The following SUPT20H variants were observed in gnomAD, a reference collection of about 807,000 sequenced individuals.
The protein encoded by SUPT20H is transcription factor SPT20 homolog.
SUPT20H carries 82 observed loss-of-function variants against 122.8 expected under a neutral mutation model. The observed-to-expected ratio is 0.67, with a 90% CI of 0.56 to 0.80. SUPT20H has a LOEUF of 0.80. Ranked by LOEUF, SUPT20H falls within the 30% of genes least tolerant of loss-of-function variation. The pLI is 0.00. For synonymous variants in SUPT20H, 291 were observed against 313.0 expected, an observed-to-expected ratio of 0.93 and a Z score of 0.74; for missense variants, 831 against 921.6, an observed-to-expected ratio of 0.90 and a Z score of 1.27.
intron 2 of SUPT20H, among the ~76,000 whole-genome samples, chr13:37,049,567 C>T (rs969109698): frequency 6.6e-6 from 1 of 152,078 alleles, no homozygotes; most frequent in Non-Finnish European, 1.5e-5. Context: ...TGGTGAAACC[C>T]TATCTCTACT....
In SUPT20H at chr13:37,014,027, A is replaced by T. The variant is rs146360259; in HGVS notation, c.1993-1730T>A. 1.3e-4 allele frequency: 20 copies of T among 152,252 alleles called. No homozygotes were observed. The East Asian group carries it at 3.7e-3, about 28-fold the overall frequency. The allele number at this position is 152,252 out of a possible 1,614,324, so 9.4% of individuals were successfully genotyped here. ...CCACAAATGGAATATTCAAACAAGG[A>T]GGAATAATGATTAAACAAACATCTT... On this transcript the variant is annotated intron_variant, in intron 23 of 25. Coordinates refer to ENST00000350612, the MANE Select transcript of SUPT20H (RefSeq NM_001014286.3).
chr13:37,032,556 G>A (rs2063556892), intron 10 of SUPT20H, among the ~76,000 whole-genome samples: 1 of 152,150 alleles, frequency 6.6e-6, no homozygotes, highest in South Asian at 2.1e-4. Context: ...ACCTCCTCAG[G>A]AACCAGTGCC....
At chr13:37,036,270 G>A (rs1413604370) in intron 9 of SUPT20H, among the ~76,000 whole-genome samples, 1 of 151,722 alleles carries the variant, frequency 6.6e-6, no homozygotes, top group African/African-American at 2.4e-5. Flanking sequence ...ATAGACTACA[G>A]TACAGTTGAC....
At chr13:37,011,477 C>T (rs1236260050) in intron 24 of SUPT20H, among the ~76,000 whole-genome samples, 1 of 152,028 alleles carries the variant, frequency 6.6e-6, no homozygotes, top group Non-Finnish European at 1.5e-5. Context: ...CATAGTAAGC[C>T]CACAGTGATA....
rs531315064 is a variant in SUPT20H, at chr13:37,022,325, T to C, written c.1592-245A>G. 45 of 1,328,782 alleles carry C rather than the reference T, an allele frequency of 3.4e-5. No homozygotes were observed. The highest frequency in any genetic ancestry group is 1.1e-4 in the East Asian group (4 of 35,672). The allele number at this position is 1,328,782 out of a possible 1,614,324, so 82.3% of individuals were successfully genotyped here. The stretch of plus-strand genomic sequence containing the variant: ...GCTTAGGAGTTCCAGATCCTGCTCA[T>C]TGAGAAAAATAAAAATTGCTAGTTT... On this transcript the variant is annotated intron_variant, in intron 19 of 25. Coordinates refer to ENST00000350612, the MANE Select transcript of SUPT20H (RefSeq NM_001014286.3). This position sits in a 1 kb window ranked among gnomAD's most constrained non-coding sequence, Gnocchi z 4.5.
chr13:37,055,405 G>T (rs549599977), intron 1 of SUPT20H, among the ~76,000 whole-genome samples: 226 of 152,240 alleles, frequency 1.5e-3, no homozygotes, highest in African/African-American at 5.1e-3. Flanking sequence ...CATGGTACTT[G>T]TACCAAAACA....
chr13:37,047,853 G>T (rs9576157), intron 4 of SUPT20H, 25 bp downstream of exon 4: 51 of 1,587,360 alleles, frequency 3.2e-5, no homozygotes, highest in Non-Finnish European at 4.2e-5. Flanking sequence ...ATGAATCTAA[G>T]ATGTTACCAA....
In SUPT20H at chr13:37,024,082, A is replaced by T; in HGVS notation, c.1544T>A (p.Val515Asp). The T allele has an allele frequency of 6.2e-7, 1 of 1,613,620 alleles. No homozygotes were observed. The change falls in exon 19 of 26, where the codon GTT becomes GAT. Residue 515 changes from valine to aspartate, a missense_variant. Transcript: ENST00000350612. ...PRKSSVDLNQ[V>D]SMLSPAALSP... ...TAGGGCAGCTGGAGAAAGCATGCTA[A>T]CTTGATTGAGATCCACAGATGATTT...
intron 20 of SUPT20H, 25 bp from the exon 21 acceptor site, chr13:37,021,627 T>G: frequency 6.3e-7 from 1 of 1,578,736 alleles, no homozygotes; most frequent in Non-Finnish European, 8.6e-7. Context: ...GACAAAGCAT[T>G]AAACTTCACT....
At chr13:37,048,749 A>G (rs1381633711) in intron 2 of SUPT20H, 150 bp from the exon 3 acceptor site, 2 of 561,666 alleles carry the variant, frequency 3.6e-6, no homozygotes, top group Non-Finnish European at 6.0e-6. Context: ...CAATATATAT[A>G]TAACAAAGAA....
intron 9 of SUPT20H, among the ~76,000 whole-genome samples, chr13:37,035,676 C>T (rs1160414220): frequency 6.6e-6 from 1 of 152,058 alleles, no homozygotes. Flanking sequence ...GGATTACAGG[C>T]AACTGCCACC....
chr13:37,047,761 C>A (rs2066779210), intron 4 of SUPT20H, 117 bp downstream of exon 4: 3 of 1,247,996 alleles, frequency 2.4e-6, no homozygotes, highest in Non-Finnish European at 3.2e-6. Context: ...TTAGAAATTC[C>A]TAATACATGC....
At chr13:37,056,517 A>C (rs977070499) in intron 1 of SUPT20H, among the ~76,000 whole-genome samples, 1 of 152,158 alleles carries the variant, frequency 6.6e-6, no homozygotes, top group Non-Finnish European at 1.5e-5. Flanking sequence ...TCGCAAGGAC[A>C]AAAAACCAAA....
chr13:37,031,443 G>C (rs2063308446), intron 12 of SUPT20H, 124 bp downstream of exon 12: 2 of 520,626 alleles, frequency 3.8e-6, no homozygotes, highest in Non-Finnish European at 3.3e-6. Context: ...AACTTGTTTA[G>C]AGTATGATCT....
chr13:37,041,452 G>A (rs2065451016), intron 7 of SUPT20H, among the ~76,000 whole-genome samples: 1 of 151,650 alleles, frequency 6.6e-6, no homozygotes, highest in African/African-American at 2.4e-5. Context: ...CAGGCGGTGG[G>A]GCTTGCAGTG....
rs1566089708 is a variant in SUPT20H, at chr13:37,010,536, G to A, written c.2202+16C>T. ...GTATCTTTAAAAATGTAATCAGAGT[G>A]AAGTTGCTGGATTACTTGTATCTGT... is the stretch of plus-strand genomic sequence containing the variant. On this transcript the variant is annotated intron_variant, in intron 25 of 25. Transcript: ENST00000350612. 1 of 1,603,986 alleles carries A rather than the reference G, an allele frequency of 6.2e-7. No individual in the cohort carries two copies. Among genetic ancestry groups the A allele is most frequent in the Non-Finnish European group, 8.5e-7 (1 of 1,171,258 alleles).
intron 15 of SUPT20H, among the ~76,000 whole-genome samples, chr13:37,026,452 G>A (rs1194118708): frequency 1.3e-5 from 2 of 151,986 alleles, no homozygotes; most frequent in Non-Finnish European, 2.9e-5. Context: ...GAATAATTTG[G>A]TTGATTTAAT....
In SUPT20H at chr13:37,026,215, G is replaced by T; in HGVS notation, c.1200C>A (p.Thr400=). ...HSNWFIIGSK[T]DAERVVNQYQ... ...GCAAATATTTTTACCTCTCAGCATC[G>T]GTCTTTGATCCAATAATGAACCTAA... The change falls in exon 16 of 26, where the codon ACC becomes ACA. Residue 400 remains threonine, a synonymous_variant. Transcript: ENST00000350612. 1 of 1,541,726 alleles carries T rather than the reference G, an allele frequency of 6.5e-7. No homozygotes were observed. The highest frequency in any genetic ancestry group is 1.2e-5 in the South Asian group (1 of 81,144).
At position 37,045,236 on chromosome 13, in the gene SUPT20H, G is replaced by C. The variant is rs2066214905; in HGVS notation, c.292+11C>G. On this transcript the variant is annotated intron_variant, in intron 6 of 25. Transcript: ENST00000350612. The stretch of plus-strand genomic sequence containing the variant: ...AGTATTTTGTGGCAGCTGTGCTCTA[G>C]AGGGTCTTACCTGATCCGTTTTTTC... 1 of 1,611,898 alleles carries C rather than the reference G, an allele frequency of 6.2e-7. No individual in the cohort carries two copies. The highest frequency in any genetic ancestry group is 2.2e-5 in the East Asian group (1 of 44,754).
Sources: allele counts gnomAD v4.1 joint callset (sites outside exome capture counted in the v4.1 genomes callset), GRCh38; gene constraint gnomAD v4.1.1; non-coding constraint Gnocchi (gnomAD v3.1); transcripts MANE v1.5; gene names NCBI Gene and HGNC (gene_info 2026-07-23, HGNC 2026-07-21).